STK32A: variants seen among roughly 807,000 people sequenced by gnomAD.
The protein encoded by STK32A is serine/threonine kinase 32A.
A neutral mutation model predicts 53.2 loss-of-function variants in STK32A; 41 were observed. That is an observed-to-expected ratio of 0.77 (90% CI 0.60 to 1.00). The LOEUF (loss-of-function observed/expected upper bound fraction) is 1.00, where lower values mean the gene tolerates loss of function less well. Among genes scored for constraint, STK32A ranks in the 50% least tolerant of loss-of-function variants. The pLI is 0.00. For synonymous variants in STK32A, 166 were observed against 162.8 expected (o/e 1.02, Z -0.15); for missense variants, 458 against 485.8 (o/e 0.94, Z 0.54).
chr5:147,247,000 TTAAG>T (rs879846034), intron 2 of STK32A, among the ~76,000 whole-genome samples: 8 of 152,206 alleles, frequency 5.3e-5, no homozygotes, highest in Admixed American at 3.3e-4. Context: ...TTGCTGATTA[TTAAG>T]TAACACTCAT....
At chr5:147,357,352 G>A (rs1756295658) in intron 7 of STK32A, among the ~76,000 whole-genome samples, 1 of 151,946 alleles carries the variant, frequency 6.6e-6, no homozygotes, top group Non-Finnish European at 1.5e-5. Flanking sequence ...ATGACATTAT[G>A]ATATTACCAC....
chr5:147,241,349 G>A (rs181210307), intron 2 of STK32A, among the ~76,000 whole-genome samples: 2 of 152,232 alleles, frequency 1.3e-5, no homozygotes, highest in African/African-American at 4.8e-5. Flanking sequence ...CGTGGTGGTG[G>A]ACGCCTGTAG....
intron 4 of STK32A, among the ~76,000 whole-genome samples, chr5:147,315,491 A>G (rs1753947809): frequency 6.6e-6 from 1 of 152,228 alleles, no homozygotes; most frequent in South Asian, 2.1e-4. Flanking sequence ...CCAATATTAT[A>G]TGATTCCACT....
Position 147,278,147 on chromosome 5 carries a change from T to G in STK32A, c.76T>G (p.Leu26Val). Residue 26 changes from leucine to valine, a missense_variant, in exon 3 of 13, where the codon TTG (leucine) becomes GTG (valine). Leu to Val is a conservative substitution (Grantham distance 32). Coordinates refer to ENST00000397936, the MANE Select transcript of STK32A (RefSeq NM_001112724.2). ...EDVNFDHFEI[L>V]RAIGKGSFGK... ...AGTCAACTTTGACCACTTTGAAATT[T>G]TGCGAGCCATTGGGAAAGGCAGTTT... The G allele has an allele frequency of 6.3e-7, 1 of 1,599,336 alleles. No homozygotes were observed. Among genetic ancestry groups the G allele is most frequent in the Non-Finnish European group, 8.5e-7 (1 of 1,172,304 alleles).
chr5:147,267,182 CTTA>C (rs1754849978), intron 2 of STK32A, among the ~76,000 whole-genome samples: 1 of 152,170 alleles, frequency 6.6e-6, no homozygotes, highest in Admixed American at 6.5e-5. Flanking sequence ...TTTGATATGG[CTTA>C]TTTTACCTAG....
chr5:147,326,169 C>T (rs1197661395), intron 5 of STK32A, among the ~76,000 whole-genome samples: 1 of 152,172 alleles, frequency 6.6e-6, no homozygotes, highest in Non-Finnish European at 1.5e-5. Flanking sequence ...TACTGTTTTT[C>T]TGTTCTTTCC....
chr5:147,242,343 G>A (rs531016594), intron 2 of STK32A, among the ~76,000 whole-genome samples: 2 of 152,346 alleles, frequency 1.3e-5, no homozygotes, highest in African/African-American at 4.8e-5. Flanking sequence ...AATAGAGGAG[G>A]AAACAAGTTG....
intron 2 of STK32A, among the ~76,000 whole-genome samples, chr5:147,266,978 G>T (rs969982497): frequency 6.6e-6 from 1 of 150,932 alleles, no homozygotes; most frequent in South Asian, 2.1e-4. Context: ...AGCCGAGATT[G>T]TGCCATTGCA....
At chr5:147,328,518 A>T (rs1754710966) in intron 5 of STK32A, among the ~76,000 whole-genome samples, 1 of 152,230 alleles carries the variant, frequency 6.6e-6, no homozygotes, top group East Asian at 1.9e-4. Flanking sequence ...GAATTGTGCA[A>T]TTAGACAACT....
the STK32A span, chr5:147,395,468 A>T: frequency 6.8e-7 from 1 of 1,479,622 alleles, no homozygotes. Context: ...AAACTCCTTC[A>T]GGTTGAGTTC....
chr5:147,366,613 GT>G (rs1756758768), intron 8 of STK32A, among the ~76,000 whole-genome samples: 1 of 152,130 alleles, frequency 6.6e-6, no homozygotes, highest in Non-Finnish European at 1.5e-5. Context: ...TATGTATCCT[GT>G]GAATCTTTGG....
chr5:147,355,734 C>T (rs1277543865), intron 7 of STK32A, among the ~76,000 whole-genome samples: 1 of 150,588 alleles, frequency 6.6e-6, no homozygotes, highest in Non-Finnish European at 1.5e-5. Context: ...CATTCTCCTC[C>T]AAATTATATA....
intron 5 of STK32A, among the ~76,000 whole-genome samples, chr5:147,332,347 G>C (rs1754910374): frequency 6.8e-6 from 1 of 147,398 alleles, no homozygotes. Context: ...GTATCTGTAG[G>C]CTTTTTTTTT....
chr5:147,275,888 TA>T (rs1413398066), intron 2 of STK32A, among the ~76,000 whole-genome samples: 2 of 152,148 alleles, frequency 1.3e-5, no homozygotes, highest in East Asian at 3.9e-4. Context: ...TCAGTAAGGT[TA>T]AAATGGTATA....
In STK32A at chr5:147,343,021, C is replaced by T. The variant is rs761477722; in HGVS notation, c.450C>T (p.Asp150=). The change falls in exon 6 of 13, where the codon GAC becomes GAT. Residue 150 remains aspartate, a synonymous_variant. Transcript: ENST00000397936. ...QRIIHRDMKP[D]NILLDEHGHV... Reference sequence around the variant, plus strand: ...ACTCCTCTAGGGATATGAAGCCTGACAATATTTTACTTGACGAACATGGTA... The same window carrying T: ...ACTCCTCTAGGGATATGAAGCCTGATAATATTTTACTTGACGAACATGGTA... The T allele has an allele frequency of 6.2e-7, 1 of 1,613,266 alleles. No homozygotes were observed. Among genetic ancestry groups the T allele is most frequent in the African/African-American group, 1.3e-5 (1 of 74,868 alleles).
chr5:147,277,094 G>A (rs1236895979), intron 2 of STK32A, among the ~76,000 whole-genome samples: 1 of 152,138 alleles, frequency 6.6e-6, no homozygotes, highest in Non-Finnish European at 1.5e-5. Flanking sequence ...TTTTCCTTCA[G>A]AAGGAGCTTA....
chr5:147,378,556 A>G (rs182261401), intron 11 of STK32A, among the ~76,000 whole-genome samples: 111 of 152,056 alleles, frequency 7.3e-4, no homozygotes, highest in African/African-American at 2.6e-3. Context: ...GCTTAGCCCC[A>G]TTTCTGCCCC....
intron 4 of STK32A, among the ~76,000 whole-genome samples, chr5:147,320,348 T>C (rs1203002581): frequency 6.6e-6 from 1 of 152,208 alleles, no homozygotes; most frequent in Non-Finnish European, 1.5e-5. Flanking sequence ...TTTTGGCTTA[T>C]TTGGTAACCA....
intron 11 of STK32A, among the ~76,000 whole-genome samples, chr5:147,381,414 A>T (rs1006205806): frequency 2.6e-5 from 4 of 152,114 alleles, no homozygotes; most frequent in African/African-American, 9.7e-5. Context: ...AGGCTGAGGC[A>T]GGCGGATCAC....
Sources: allele counts gnomAD v4.1 joint callset (sites outside exome capture counted in the v4.1 genomes callset), GRCh38; gene constraint gnomAD v4.1.1; transcripts MANE v1.5; gene names NCBI Gene and HGNC (gene_info 2026-07-23, HGNC 2026-07-21).